PTPRQ: variants seen among roughly 807,000 people sequenced by gnomAD.
The protein encoded by PTPRQ is protein tyrosine phosphatase receptor type Q.
In PTPRQ, 199 loss-of-function variants were observed where a neutral mutation model predicts 246.0. The observed-to-expected ratio is 0.81, with a 90% confidence interval of 0.72 to 0.91. The LOEUF is 0.91. Ranked by LOEUF, PTPRQ falls within the 40% of genes least tolerant of loss-of-function variation. The pLI, the probability that PTPRQ is intolerant of heterozygous loss-of-function variation, is 0.00. For missense variants in PTPRQ, 2,624 were observed against 2,528.4 expected (o/e 1.04, Z -0.81); for synonymous variants, 869 against 853.2 (o/e 1.02, Z -0.32).
intron 25 of PTPRQ, among the ~76,000 whole-genome samples, chr12:80,553,237 T>G (rs1224701545): frequency 6.6e-6 from 1 of 152,152 alleles, no homozygotes; most frequent in Non-Finnish European, 1.5e-5. Context: ...AGGAGAATCA[T>G]TTATATAAAG....
At chr12:80,472,918 A>C (rs1893686514) in intron 8 of PTPRQ, among the ~76,000 whole-genome samples, 3 of 152,174 alleles carry the variant, frequency 2.0e-5, no homozygotes, top group African/African-American at 7.2e-5. Context: ...ATGGACAAAA[A>C]TAACAGTAAA....
At position 80,558,144 on chromosome 12, in the gene PTPRQ, TTTTCTTTTCTTTTCTTTTCTTTTC is replaced by T. The variant is rs1565785556; in HGVS notation, c.4285+8429_4285+8452del. On this transcript the variant is annotated intron_variant, in intron 25 of 44. Coordinates refer to ENST00000644991, the MANE Select transcript of PTPRQ (RefSeq NM_001145026.2). ...CTTTCTTTTCTTTTCTTTTCTTTTC[TTTTCTTTTCTTTTCTTTTCTTTTC>T]TTTCTTTTCTTTTCTTTTTGAAACA... Among the ~76,000 whole-genome samples, 889 of 131,222 alleles carry T rather than the reference TTTTCTTTTCTTTTCTTTTCTTTTC, an allele frequency of 6.8e-3. 5 individuals are homozygous for T. The highest frequency in any genetic ancestry group is 0.028 in the African/African-American group (773 of 27,840). The allele number at this position is 131,222 out of a possible 152,430, so 86.1% of individuals were successfully genotyped here. A position where few individuals can be genotyped will look rare whatever the true frequency, so the allele number is the denominator to read the frequency against.
intron 30 of PTPRQ, among the ~76,000 whole-genome samples, chr12:80,618,181 G>A (rs773506892): frequency 6.6e-6 from 1 of 151,424 alleles, no homozygotes; most frequent in Non-Finnish European, 1.5e-5. Flanking sequence ...AAAAAAATGT[G>A]ATTCAAATGT....
At chr12:80,652,549 C>T (rs1900290844) in intron 37 of PTPRQ, among the ~76,000 whole-genome samples, 195 bp from the exon 38 acceptor site, 1 of 151,956 alleles carries the variant, frequency 6.6e-6, no homozygotes, top group Non-Finnish European at 1.5e-5. Context: ...AGCTGACCAA[C>T]TTTATTCAGG....
chr12:80,636,849 T>C (rs1184669439), intron 35 of PTPRQ, among the ~76,000 whole-genome samples: 1 of 152,226 alleles, frequency 6.6e-6, no homozygotes, highest in Non-Finnish European at 1.5e-5. Context: ...GAAAGTATTA[T>C]TTATCGAAGA....
chr12:80,594,052 C>T (rs1486403741), intron 26 of PTPRQ, among the ~76,000 whole-genome samples: 2 of 152,050 alleles, frequency 1.3e-5, no homozygotes, highest in Non-Finnish European at 2.9e-5. Flanking sequence ...AAACATGCCT[C>T]ATCAAAGAAG....
chr12:80,513,965 T>A (rs76359252), intron 17 of PTPRQ, among the ~76,000 whole-genome samples: 3,281 of 152,238 alleles, frequency 0.022, 49 homozygotes, highest in Non-Finnish European at 0.03. Flanking sequence ...AGAGGAGCCC[T>A]TACATCTTGC....
At position 80,621,130 on chromosome 12, in the gene PTPRQ, T is replaced by C. The variant is rs918201503; in HGVS notation, c.5612+754T>C. On this transcript the variant is annotated intron_variant, in intron 32 of 44. Transcript: ENST00000644991. ...AACATTATCAAATTCTTTACAAATATCCTAAGCCAAGTTAACATTGGAAAA... is the reference window on the plus strand; with the variant it reads ...AACATTATCAAATTCTTTACAAATACCCTAAGCCAAGTTAACATTGGAAAA... Among the ~76,000 whole-genome samples the C allele has an allele frequency of 4.6e-4, 70 of 151,922 alleles. 1 individual carries two copies. Among genetic ancestry groups the C allele is most frequent in the African/African-American group, 1.6e-3 (65 of 41,532 alleles).
intron 25 of PTPRQ, among the ~76,000 whole-genome samples, chr12:80,552,132 T>C (rs965056964): frequency 6.6e-6 from 1 of 152,094 alleles, no homozygotes; most frequent in South Asian, 2.1e-4. Context: ...TCCGATATTC[T>C]GTATGTATTG....
Position 80,588,437 on chromosome 12 carries a change from A to G in PTPRQ, c.4594A>G (p.Lys1532Glu), listed in dbSNP as rs757376232. 1 of 1,485,304 alleles carries G rather than the reference A, an allele frequency of 6.7e-7. No homozygotes were observed. The highest frequency in any genetic ancestry group is 1.4e-5 in the South Asian group (1 of 71,048). 92.0% of individuals were successfully genotyped at this position (1,485,304 alleles called of 1,614,324 possible). The change falls in exon 26 of 45, where the codon AAA becomes GAA. Residue 1532 changes from lysine to glutamate, a missense_variant. Coordinates refer to ENST00000644991, the MANE Select transcript of PTPRQ (RefSeq NM_001145026.2). ...YGNASNWISTKTLPGPPDGPP... is the reference protein window; with the variant it reads ...YGNASNWISTETLPGPPDGPP... ...CAATGCTTCAAACTGGATTTCTACA[A>G]AAACTCTGCCTGGCCGTGAGTATTG...
Position 80,534,135 on chromosome 12 carries a change from A to C in PTPRQ, c.2799A>C (p.Lys933Asn). The C allele has an allele frequency of 1.3e-6, 2 of 1,543,580 alleles. No homozygotes were observed. The highest frequency in any genetic ancestry group is 2.4e-5 in the South Asian group (2 of 82,430). The change falls in exon 18 of 45, where the codon AAA becomes AAC. Residue 933 changes from lysine (K) to asparagine (N), a missense_variant. Physicochemically the swap from Lys to Asn is moderately conservative, Grantham distance 94. Coordinates refer to ENST00000644991, the MANE Select transcript of PTPRQ (RefSeq NM_001145026.2). ...CTAGCACCAGATTTGGTGATGGGAA[A>C]ACAAGAAGCAATATCATTAGCTTTC... ...VTASTRFGDGKTRSNIISFQT... is the reference protein window; with the variant it reads ...VTASTRFGDGNTRSNIISFQT...
chr12:80,554,421 T>G (rs1433894857), intron 25 of PTPRQ, among the ~76,000 whole-genome samples: 1 of 152,190 alleles, frequency 6.6e-6, no homozygotes, highest in Admixed American at 6.5e-5. Flanking sequence ...GATTTAATAT[T>G]TGGTTTTAAA....
intron 25 of PTPRQ, among the ~76,000 whole-genome samples, chr12:80,571,300 TG>T (rs956654481): frequency 3.9e-5 from 6 of 152,088 alleles, no homozygotes; most frequent in Admixed American, 3.9e-4. Context: ...ATGTGCCACC[TG>T]GCTAATTTTT....
intron 30 of PTPRQ, among the ~76,000 whole-genome samples, chr12:80,616,808 T>C (rs1464527505): frequency 6.6e-6 from 1 of 151,104 alleles, no homozygotes. Flanking sequence ...GGGTCATCCT[T>C]TCAAAATAAA....
intron 35 of PTPRQ, among the ~76,000 whole-genome samples, chr12:80,646,694 A>G (rs1900086748): frequency 6.6e-6 from 1 of 152,184 alleles, no homozygotes. Flanking sequence ...ACATCTGCAC[A>G]AACTTTTAAA....
At chr12:80,541,065 C>T (rs972935740) in intron 20 of PTPRQ, among the ~76,000 whole-genome samples, 2 of 152,026 alleles carry the variant, frequency 1.3e-5, no homozygotes, top group African/African-American at 4.8e-5. Context: ...GATTTTGAGA[C>T]TAGATCTTGG....
At chr12:80,632,632 C>CTT (rs2121170465) in intron 34 of PTPRQ, among the ~76,000 whole-genome samples, 1 of 152,268 alleles carries the variant, frequency 6.6e-6, no homozygotes, top group East Asian at 1.9e-4. Context: ...CAGCTACTCT[C>CTT]TTTAACTTGA....
In PTPRQ at chr12:80,506,199, C is replaced by T. The variant is rs1894954878; in HGVS notation, c.2448C>T (p.Asn816=). Residue 816 remains asparagine (N), a synonymous_variant, in exon 15 of 45, where the codon AAC becomes AAT. Transcript: ENST00000644991. ...TAAATACAACCTCTTTAACCCAAAA[C>T]ATTAAAGGTAAAAGAACAAATCTAA... The part of the protein sequence containing the change: ...RTINTTSLTQ[N]IKVLKKYTQY... 1 of 1,475,414 alleles carries T rather than the reference C, an allele frequency of 6.8e-7. No individual in the cohort carries two copies. Among genetic ancestry groups the T allele is most frequent in the Non-Finnish European group, 9.0e-7 (1 of 1,114,088 alleles). 91.4% of individuals were successfully genotyped at this position (1,475,414 alleles called of 1,614,324 possible).
intron 17 of PTPRQ, among the ~76,000 whole-genome samples, chr12:80,531,155 G>A (rs1895831856): frequency 6.6e-6 from 1 of 151,686 alleles, no homozygotes; most frequent in African/African-American, 2.4e-5. Flanking sequence ...AATAGCTAAA[G>A]AAATAAAAAA....
Sources: allele counts gnomAD v4.1 joint callset (sites outside exome capture counted in the v4.1 genomes callset), GRCh38; gene constraint gnomAD v4.1.1; transcripts MANE v1.5; gene names NCBI Gene and HGNC (gene_info 2026-07-23, HGNC 2026-07-21).